The following DCPS variants were observed in gnomAD, a reference collection of about 807,000 sequenced individuals.
The protein encoded by DCPS is decapping enzyme, scavenger.
In DCPS, 27 loss-of-function variants were observed where a neutral mutation model predicts 34.7. That is an observed-to-expected ratio of 0.78 (90% CI 0.57 to 1.07). The LOEUF (loss-of-function observed/expected upper bound fraction) is 1.07. DCPS is among the 50% of genes least tolerant of loss of function. DCPS has a pLI of 0.00. For missense variants in DCPS, 464 were observed against 436.9 expected (o/e 1.06, Z -0.55); for synonymous variants, 185 against 185.7 (o/e 1.00, Z 0.03).
chr11:126,306,786 G>A, intron 2 of DCPS, 42 bp downstream of exon 2: 1 of 1,568,568 alleles, frequency 6.4e-7, no homozygotes, highest in East Asian at 2.3e-5. Flanking sequence ...GAGGGAGAAT[G>A]GGATGGTGGG....
rs1951732133 is a variant in DCPS at position 126,325,316 on chromosome 11, C to G, written c.377-6089C>G. On this transcript the variant is annotated intron_variant, in intron 2 of 5. Coordinates refer to ENST00000263579, the MANE Select transcript of DCPS (RefSeq NM_014026.6). This position sits in a 1 kb window ranked among gnomAD's most constrained non-coding sequence, Gnocchi z 4.3. Reference sequence around the variant, plus strand: ...AGCATTTACATCATCATCATAGCATCAGTGTTGAATACTGATTTATCAAAA... The same window carrying G: ...AGCATTTACATCATCATCATAGCATGAGTGTTGAATACTGATTTATCAAAA... Among the ~76,000 whole-genome samples, 2 of 152,210 alleles carry G rather than the reference C, an allele frequency of 1.3e-5. No homozygotes were observed. The highest frequency in any genetic ancestry group is 4.1e-4 in the South Asian group (2 of 4,836).
In DCPS at chr11:126,325,433, TG is replaced by T. The variant is rs1951732678; in HGVS notation, c.377-5970del. ...CATGTGTGTGCATTTGGTGAAGGGATGGTAAAAAGAGATAAATTCTCATCTT... is the reference window on the plus strand; with the variant it reads ...CATGTGTGTGCATTTGGTGAAGGGATGTAAAAAGAGATAAATTCTCATCTT... On this transcript the variant is annotated intron_variant, in intron 2 of 5. Transcript: ENST00000263579. The surrounding 1 kb of genome is among the most constrained non-coding windows in gnomAD (Gnocchi z 4.3). 6.6e-6 allele frequency among the ~76,000 whole-genome samples: 1 copy of T among 152,126 alleles called. No individual in the cohort carries two copies. Among genetic ancestry groups the T allele is most frequent in the South Asian group, 2.1e-4 (1 of 4,828 alleles).
At chr11:126,343,758 CAG>C (rs576679549) in intron 5 of DCPS, among the ~76,000 whole-genome samples, 62 of 152,178 alleles carry the variant, frequency 4.1e-4, no homozygotes, top group Non-Finnish European at 6.8e-4. Flanking sequence ...CACATCATGC[CAG>C]AGTTTCTTGG....
At chr11:126,326,531 G>A (rs1951740083) in intron 2 of DCPS, among the ~76,000 whole-genome samples, 1 of 152,184 alleles carries the variant, frequency 6.6e-6, no homozygotes, top group Non-Finnish European at 1.5e-5. Context: ...TAGGGCTGAG[G>A]TTCCGAAAGG....
chr11:126,326,908 G>A (rs1416561724), intron 2 of DCPS, among the ~76,000 whole-genome samples: 2 of 150,452 alleles, frequency 1.3e-5, no homozygotes, highest in Non-Finnish European at 3.0e-5. Flanking sequence ...GGGCGACAGA[G>A]CGAGACTCTG....
rs1327226658 is a variant in DCPS at position 126,349,148 on chromosome 11, A to G, written c.*3535A>G. Among the ~76,000 whole-genome samples the G allele has an allele frequency of 6.6e-6, 1 of 152,270 alleles. No individual in the cohort carries two copies. The highest frequency in any genetic ancestry group is 1.9e-4 in the East Asian group (1 of 5,180). ...TCTTCCTGCTATCTCGTAAGAGCCC[A>G]ACATCCTTCTGTCCTGAGCAAGCCA... On this transcript the variant is annotated 3_prime_UTR_variant, in exon 6 of 6. Transcript: ENST00000263579. This position sits in a 1 kb window ranked among gnomAD's most constrained non-coding sequence, Gnocchi z 5.4.
At chr11:126,339,693 C>A (rs75098392) in intron 4 of DCPS, among the ~76,000 whole-genome samples, 1 of 152,230 alleles carries the variant, frequency 6.6e-6, no homozygotes, top group African/African-American at 2.4e-5. Flanking sequence ...CCTGCATCCA[C>A]TCTGCCCTTC....
Position 126,343,393 on chromosome 11 carries a change from C to G in DCPS, c.723C>G (p.Leu241=), listed in dbSNP as rs1951892809. 6.2e-7 allele frequency: 1 copy of G among 1,613,740 alleles called. No individual in the cohort carries two copies. The highest frequency in any genetic ancestry group is 8.5e-7 in the Non-Finnish European group (1 of 1,179,838). ...RDLTPEHLPL[L]RNILHQGQEA... ...TTACTCCGGAGCACTTGCCGCTGCT[C>G]AGGAACATCCTCCACCAGGGGCAGG... is the stretch of plus-strand genomic sequence containing the variant. Residue 241 remains leucine, a synonymous_variant, in exon 5 of 6, where the codon CTC becomes CTG. Coordinates refer to ENST00000263579, the MANE Select transcript of DCPS (RefSeq NM_014026.6).
intron 2 of DCPS, among the ~76,000 whole-genome samples, chr11:126,316,957 CTTTT>C (rs71048779): frequency 6.4e-5 from 6 of 93,192 alleles, no homozygotes; most frequent in Non-Finnish European, 8.2e-5. Flanking sequence ...TGCCCGGCCT[CTTTT>C]TTTTTTTTTT....
chr11:126,338,963 C>G lies in DCPS; in HGVS notation c.636+564C>G, dbSNP rs572483873. Among the ~76,000 whole-genome samples, 458 of 152,344 alleles carry G rather than the reference C, an allele frequency of 3.0e-3. 1 individual carries two copies. The highest frequency in any genetic ancestry group is 0.014 in the Middle Eastern group (4 of 294). On this transcript the variant is annotated intron_variant, in intron 4 of 5. Transcript: ENST00000263579. The surrounding 1 kb of genome is among the most constrained non-coding windows in gnomAD (Gnocchi z 5.4). ...TCCTAAGGAGCAGGTTTGGGAGGAG[C>G]CGTCCTCCCTCACAGGTATCCCTTT...
chr11:126,342,675 G>A lies in DCPS; in HGVS notation c.637-632G>A, dbSNP rs1951884244. ...TGGGATTATTTTGTGTCTTACAGTAGAGCTACTTGCATACATGCGATAAGA... is the reference window on the plus strand; with the variant it reads ...TGGGATTATTTTGTGTCTTACAGTAAAGCTACTTGCATACATGCGATAAGA... On this transcript the variant is annotated intron_variant, in intron 4 of 5. Transcript: ENST00000263579. The surrounding 1 kb of genome is among the most constrained non-coding windows in gnomAD (Gnocchi z 4.4). Among the ~76,000 whole-genome samples, 1 of 152,096 alleles carries A rather than the reference G, an allele frequency of 6.6e-6. No individual in the cohort carries two copies. The highest frequency in any genetic ancestry group is 6.6e-5 in the Admixed American group (1 of 15,266).
intron 2 of DCPS, among the ~76,000 whole-genome samples, chr11:126,318,339 T>C (rs1231149547): frequency 1.3e-5 from 2 of 152,202 alleles, no homozygotes; most frequent in Non-Finnish European, 2.9e-5. Flanking sequence ...ATTTCTGTAA[T>C]GTAGGACAGA....
At position 126,343,374 on chromosome 11, in the gene DCPS, C is replaced by T. The variant is rs151074136; in HGVS notation, c.704C>T (p.Pro235Leu). The part of the protein sequence containing the change: ...RGIRSLRDLT[P>L]EHLPLLRNIL... ...ATCAGATCCCTACGCGACCTTACTC[C>T]GGAGCACTTGCCGCTGCTCAGGAAC... The change falls in exon 5 of 6, where the codon CCG (proline) becomes CTG (leucine). Residue 235 changes from proline to leucine, a missense_variant. Coordinates refer to ENST00000263579, the MANE Select transcript of DCPS (RefSeq NM_014026.6). 2.1e-5 allele frequency: 34 copies of T among 1,613,868 alleles called. No individual in the cohort carries two copies. In the Admixed American group the frequency reaches 2.3e-4, roughly 11 times the overall value.
At position 126,346,047 on chromosome 11, in the gene DCPS, A is replaced by T. The variant is rs923158636; in HGVS notation, c.*434A>T. 1.3e-5 allele frequency among the ~76,000 whole-genome samples: 2 copies of T among 152,108 alleles called. No individual in the cohort carries two copies. The highest frequency in any genetic ancestry group is 6.5e-5 in the Admixed American group (1 of 15,272). ...CCACCTCTCCTTTGAGGAGTTCCCC[A>T]AAAAACCAAACTTGGAAGCTTTCAG... On this transcript the variant is annotated 3_prime_UTR_variant, in exon 6 of 6. Coordinates refer to ENST00000263579, the MANE Select transcript of DCPS (RefSeq NM_014026.6). The surrounding 1 kb of genome is among the most constrained non-coding windows in gnomAD (Gnocchi z 4.1).
chr11:126,348,804 A>G lies in DCPS; in HGVS notation c.*3191A>G, dbSNP rs1048430306. On this transcript the variant is annotated 3_prime_UTR_variant, in exon 6 of 6. Transcript: ENST00000263579. This position sits in a 1 kb window ranked among gnomAD's most constrained non-coding sequence, Gnocchi z 5.3. ...CCCCTAAGACACTACCTGGCTCAGC[A>G]AACCAACCTTTGAGACAAAGCAACA... 2.6e-5 allele frequency among the ~76,000 whole-genome samples: 4 copies of G among 152,250 alleles called. No individual in the cohort carries two copies. The highest frequency in any genetic ancestry group is 6.5e-5 in the Admixed American group (1 of 15,278).
chr11:126,343,210 G>A lies in DCPS; in HGVS notation c.637-97G>A, dbSNP rs1057335820. The A allele has an allele frequency of 2.0e-5, 19 of 934,972 alleles. No individual in the cohort carries two copies. In the African/African-American group the frequency reaches 2.4e-4, roughly 12 times the overall value. The allele number at this position is 934,972 out of a possible 1,614,324, so 57.9% of individuals were successfully genotyped here. A position where few individuals can be genotyped will look rare whatever the true frequency, so the allele number is the denominator to read the frequency against. Reference sequence around the variant, plus strand: ...TTTCTCCTGGTGCTGTAGGCCTCAGGGGTGGGTGCTTCCTGGCTTACGTGA... The same window carrying A: ...TTTCTCCTGGTGCTGTAGGCCTCAGAGGTGGGTGCTTCCTGGCTTACGTGA... On this transcript the variant is annotated intron_variant, in intron 4 of 5. Transcript: ENST00000263579.
At position 126,323,618 on chromosome 11, in the gene DCPS, C is replaced by CT. The variant is rs1353144006; in HGVS notation, c.377-7785dup. On this transcript the variant is annotated intron_variant, in intron 2 of 5. Coordinates refer to ENST00000263579, the MANE Select transcript of DCPS (RefSeq NM_014026.6). The surrounding 1 kb of genome is among the most constrained non-coding windows in gnomAD (Gnocchi z 4.4). ...TGGCACGATCACAGCTCACTGCAGC[C>CT]TTGACCTTCCAGGCTCAAGCGATCC... Among the ~76,000 whole-genome samples the CT allele has an allele frequency of 3.9e-5, 6 of 151,984 alleles. No homozygotes were observed. Among genetic ancestry groups the CT allele is most frequent in the African/African-American group, 1.5e-4 (6 of 41,366 alleles).
In DCPS at chr11:126,346,095, G is replaced by C. The variant is rs986124194; in HGVS notation, c.*482G>C. On this transcript the variant is annotated 3_prime_UTR_variant, in exon 6 of 6. Coordinates refer to ENST00000263579, the MANE Select transcript of DCPS (RefSeq NM_014026.6). This position sits in a 1 kb window ranked among gnomAD's most constrained non-coding sequence, Gnocchi z 4.1. ...CAGGAAATTATCTATACAGGTTTCT[G>C]ATGGCACTTCCTCCTTCCAGCAGTG... Among the ~76,000 whole-genome samples, 1 of 152,162 alleles carries C rather than the reference G, an allele frequency of 6.6e-6. No individual in the cohort carries two copies.
intron 5 of DCPS, among the ~76,000 whole-genome samples, chr11:126,343,976 C>T (rs993263619): frequency 6.6e-6 from 1 of 152,080 alleles, no homozygotes; most frequent in African/African-American, 2.4e-5. Flanking sequence ...GGGTGTGGTC[C>T]TGGCCTGACA....
Sources: gnomAD v4.1 joint callset for allele counts (sites outside exome capture counted in the v4.1 genomes callset) on GRCh38, gnomAD v4.1.1 for gene constraint, Gnocchi (gnomAD v3.1) non-coding constraint, MANE v1.5 for transcripts, NCBI Gene and HGNC (gene_info 2026-07-23, HGNC 2026-07-21) for gene names.